RAB40B: variants seen among roughly 807,000 people sequenced by gnomAD.
RAB40B encodes RAB40B, member RAS oncogene family.
A neutral mutation model predicts 24.0 loss-of-function variants in RAB40B; 21 were observed. The observed-to-expected ratio is 0.88, with a 90% CI of 0.62 to 1.26. The LOEUF (loss-of-function observed/expected upper bound fraction) is 1.26, where lower values mean the gene tolerates loss of function less well. RAB40B is among the 50% of genes most tolerant of loss of function. RAB40B has a pLI of 0.00. For synonymous variants in RAB40B, 167 were observed against 169.8 expected (o/e 0.98, Z 0.13); for missense variants, 348 against 390.5 (o/e 0.89, Z 0.92).
chr17:82,676,080 C>G (rs73357200), intron 1 of RAB40B, among the ~76,000 whole-genome samples: 1 of 152,012 alleles, frequency 6.6e-6, no homozygotes, highest in Non-Finnish European at 1.5e-5. Context: ...CCATCTCCCC[C>G]GGGTCTCCGT....
At chr17:82,669,217 T>C (rs1333617778) in intron 1 of RAB40B, among the ~76,000 whole-genome samples, 6 of 152,090 alleles carry the variant, frequency 3.9e-5, no homozygotes, top group Non-Finnish European at 8.8e-5. Flanking sequence ...GGCTCACGCC[T>C]GTAATCCCAG....
chr17:82,657,449 C>A lies in RAB40B; in HGVS notation c.*414G>T. 3.1e-6 allele frequency: 1 copy of A among 326,040 alleles called. No individual in the cohort carries two copies. The allele number at this position is 326,040 out of a possible 1,614,324, so 20.2% of individuals were successfully genotyped here. On this transcript the variant is annotated 3_prime_UTR_variant, in exon 6 of 6. Coordinates refer to ENST00000571995, the MANE Select transcript of RAB40B (RefSeq NM_006822.3). ...TTGAAAAGGAGGTTTACAAAAAGACCCCTCTCGTAATATCAGTGACTCTAA... is the reference window on the plus strand; with the variant it reads ...TTGAAAAGGAGGTTTACAAAAAGACACCTCTCGTAATATCAGTGACTCTAA...
chr17:82,665,616 C>T (rs1401771048), intron 1 of RAB40B, among the ~76,000 whole-genome samples: 4 of 152,098 alleles, frequency 2.6e-5, no homozygotes, highest in Non-Finnish European at 4.4e-5. Context: ...CCTGTCATCC[C>T]AGCACTTTGG....
At chr17:82,691,322 GA>G (rs2046555357) in intron 1 of RAB40B, among the ~76,000 whole-genome samples, 1 of 152,206 alleles carries the variant, frequency 6.6e-6, no homozygotes, top group Non-Finnish European at 1.5e-5. Flanking sequence ...TCATGCTGGG[GA>G]AAAGGGTGGG....
intron 1 of RAB40B, 67 bp downstream of exon 1, chr17:82,698,388 C>CAA: frequency 2.1e-6 from 1 of 479,798 alleles, no homozygotes; most frequent in Non-Finnish European, 2.9e-6. Context: ...CCCGCACCCC[C>CAA]TCCCCAGCCC....
chr17:82,664,457 C>T (rs1409808037), intron 2 of RAB40B, 39 bp downstream of exon 2: 1 of 1,605,466 alleles, frequency 6.2e-7, no homozygotes, highest in Non-Finnish European at 8.5e-7. Context: ...GGGGTTACTC[C>T]CTGGGGGTGC....
At chr17:82,668,953 G>A (rs548179067) in intron 1 of RAB40B, among the ~76,000 whole-genome samples, 4 of 152,382 alleles carry the variant, frequency 2.6e-5, no homozygotes, top group East Asian at 3.9e-4. Context: ...AGTGGGGCAC[G>A]CGGCGTAGCC....
intron 1 of RAB40B, among the ~76,000 whole-genome samples, chr17:82,686,522 C>T (rs1473347710): frequency 6.6e-6 from 1 of 152,186 alleles, no homozygotes; most frequent in Non-Finnish European, 1.5e-5. Flanking sequence ...GGGACACAGA[C>T]ACCCAGGAGA....
Position 82,658,176 on chromosome 17 carries a change from A to G in RAB40B, c.566-42T>C, listed in dbSNP as rs200519672. On this transcript the variant is annotated intron_variant, in intron 5 of 5. Coordinates refer to ENST00000571995, the MANE Select transcript of RAB40B (RefSeq NM_006822.3). The stretch of plus-strand genomic sequence containing the variant: ...TAAACCTTGCTTAGTGGATGTCCCC[A>G]CCTGGGCTGGGAATGAGGGGTGGTG... 485 of 1,586,262 alleles carry G rather than the reference A, an allele frequency of 3.1e-4. 5 individuals carry two copies. The East Asian group carries it at 0.011, about 35-fold the overall frequency.
chr17:82,679,776 G>GGGA (rs1568040637), intron 1 of RAB40B, among the ~76,000 whole-genome samples: 103 of 16,104 alleles, frequency 6.4e-3, no homozygotes, highest in Admixed American at 0.048. Flanking sequence ...CAAGCACAGG[G>GGGA]CAGGGGCCAG....
Position 82,698,494 on chromosome 17 carries a change from G to A in RAB40B, c.103C>T (p.Gln35Ter). Residue 35 changes from glutamine to a stop codon, truncating the protein, a stop_gained, in exon 1 of 6, where the codon CAG becomes TAG. Coordinates refer to ENST00000571995, the MANE Select transcript of RAB40B (RefSeq NM_006822.3). LOFTEE classifies it high-confidence loss of function. ...VGKGEILASL[Q>*]DGAAESPYGH... is the part of the protein sequence containing the mutation. Reference sequence around the variant, plus strand: ...TACGGGGACTCGGCCGCGCCATCCTGCAGGCTCGCCAGGATCTCGCCCTTG... The same window carrying A: ...TACGGGGACTCGGCCGCGCCATCCTACAGGCTCGCCAGGATCTCGCCCTTG... 6.6e-7 allele frequency: 1 copy of A among 1,509,254 alleles called. No homozygotes were observed. The highest frequency in any genetic ancestry group is 8.9e-7 in the Non-Finnish European group (1 of 1,122,246). The allele number at this position is 1,509,254 out of a possible 1,614,324, so 93.5% of individuals were successfully genotyped here. A position where few individuals can be genotyped will look rare whatever the true frequency, so the allele number is the denominator to read the frequency against.
intron 1 of RAB40B, among the ~76,000 whole-genome samples, chr17:82,670,064 C>A (rs554990645): frequency 3.9e-5 from 6 of 152,178 alleles, no homozygotes; most frequent in African/African-American, 1.4e-4. Flanking sequence ...ACACTCACCC[C>A]CACGGGCTGA....
intron 3 of RAB40B, 23 bp from the exon 4 acceptor site, chr17:82,659,680 A>C (rs775737880): frequency 6.2e-6 from 10 of 1,605,458 alleles, no homozygotes; most frequent in South Asian, 4.4e-5. Context: ...TCACAGGCTC[A>C]GCACGCAGAA....
chr17:82,685,066 T>C (rs528052926), intron 1 of RAB40B, among the ~76,000 whole-genome samples: 1 of 149,536 alleles, frequency 6.7e-6, no homozygotes, highest in Admixed American at 6.7e-5. Flanking sequence ...TGAGCCGAGA[T>C]CATACCATTG....
At chr17:82,694,597 T>C (rs1335547617) in intron 1 of RAB40B, among the ~76,000 whole-genome samples, 1 of 151,524 alleles carries the variant, frequency 6.6e-6, no homozygotes, top group Non-Finnish European at 1.5e-5. Flanking sequence ...AGTACGTTCA[T>C]ACTAAAAGTT....
rs754941534 is a variant in RAB40B, at chr17:82,664,545, TGTA to T, written c.151_153del (p.Tyr51del). 1 of 1,613,470 alleles carries T rather than the reference TGTA, an allele frequency of 6.2e-7. No individual in the cohort carries two copies. Among genetic ancestry groups the T allele is most frequent in the Non-Finnish European group, 8.5e-7 (1 of 1,179,626 alleles). ...CCGTCCAGCAGGATGGTGGTCGTCT[TGTA>T]GTCGATGCCTGCGGAAGGGTTAGAG... On this transcript the variant is annotated inframe_deletion, in exon 2 of 6. Coordinates refer to ENST00000571995, the MANE Select transcript of RAB40B (RefSeq NM_006822.3).
chr17:82,674,009 T>C (rs1238014785), intron 1 of RAB40B, among the ~76,000 whole-genome samples: 4 of 152,338 alleles, frequency 2.6e-5, no homozygotes, highest in African/African-American at 9.6e-5. Context: ...CCAAGATCTT[T>C]CTTATTTTGT....
chr17:82,687,758 C>T (rs2046516491), intron 1 of RAB40B, among the ~76,000 whole-genome samples: 1 of 152,212 alleles, frequency 6.6e-6, no homozygotes, highest in Admixed American at 6.5e-5. Context: ...GCCGATCATG[C>T]AGGGCAGGTG....
At position 82,684,092 on chromosome 17, in the gene RAB40B, G is replaced by C. The variant is rs553183308; in HGVS notation, c.142+14363C>G. 3.8e-4 allele frequency among the ~76,000 whole-genome samples: 57 copies of C among 151,794 alleles called. 2 individuals carry two copies. The East Asian group carries it at 9.9e-3, about 26-fold the overall frequency. The stretch of plus-strand genomic sequence containing the variant: ...AAAAATTAGCTGGGTGTGGTGGCAG[G>C]CACCTGTAATCCCAGCTACTCGGGA... On this transcript the variant is annotated intron_variant, in intron 1 of 5. Coordinates refer to ENST00000571995, the MANE Select transcript of RAB40B (RefSeq NM_006822.3).
Sources: gnomAD v4.1 joint callset for allele counts (sites outside exome capture counted in the v4.1 genomes callset) on GRCh38, gnomAD v4.1.1 for gene constraint, MANE v1.5 for transcripts, NCBI Gene and HGNC (gene_info 2026-07-23, HGNC 2026-07-21) for gene names.